ADAP1: variants seen among roughly 807,000 people sequenced by gnomAD.
ADAP1 encodes ArfGAP with dual PH domains 1.
A neutral mutation model predicts 54.9 loss-of-function variants in ADAP1; 31 were observed. The ratio of observed to expected loss-of-function variants is 0.56; its 90% CI spans 0.42 to 0.76. The LOEUF is 0.76. ADAP1 is among the 30% of genes least tolerant of loss of function. The pLI, the probability that ADAP1 is intolerant of heterozygous loss-of-function variation, is 0.00. For missense variants in ADAP1, 535 were observed against 512.4 expected, an observed-to-expected ratio of 1.04 and a Z score of -0.42; for synonymous variants, 313 against 202.6, an observed-to-expected ratio of 1.55 and a Z score of -4.63.
rs1846396475 is a variant in ADAP1 at position 926,575 on chromosome 7, G to A, written c.283C>T (p.Arg95Trp). 3 of 1,539,430 alleles carry A rather than the reference G, an allele frequency of 1.9e-6. No homozygotes were observed. The highest frequency in any genetic ancestry group is 1.2e-5 in the South Asian group (1 of 83,306). Reference sequence around the variant, plus strand: ...CACTGGCAGTCGGAGGGCGTGGGCCGGTAGTAGAAGGAGGGTACTTTGGAC... The same window carrying A: ...CACTGGCAGTCGGAGGGCGTGGGCCAGTAGTAGAAGGAGGGTACTTTGGAC... ...FESKVPSFYY[R>W]PTPSDCQLLR... is the part of the protein sequence containing the mutation. The change falls in exon 3 of 11, where the codon CGG (arginine) becomes TGG (tryptophan). Residue 95 changes from arginine to tryptophan, a missense_variant. Transcript: ENST00000265846. The surrounding 1 kb of genome is among the most constrained non-coding windows in gnomAD (Gnocchi z 4.6).
chr7:954,306 C>T (rs1847336129), intron 1 of ADAP1, 90 bp downstream of exon 1: 2 of 988,084 alleles, frequency 2.0e-6, no homozygotes, highest in Non-Finnish European at 1.2e-6. Context: ...CGCTCCCCCG[C>T]CCGGTCCCCG....
chr7:934,488 C>T (rs934010546), intron 2 of ADAP1, among the ~76,000 whole-genome samples: 6 of 152,090 alleles, frequency 3.9e-5, no homozygotes, highest in Non-Finnish European at 8.8e-5. Flanking sequence ...AGCCCCCAGA[C>T]CACCACTCTC....
At chr7:955,232 G>C, upstream of ADAP1, 2 of 1,482,498 alleles carry the variant, frequency 1.3e-6, no homozygotes, top group South Asian at 1.2e-5. Flanking sequence ...CAGGCTGAGG[G>C]GCCCCGCCGG....
chr7:937,567 T>G (rs1173731553), intron 1 of ADAP1, among the ~76,000 whole-genome samples: 1 of 69,202 alleles, frequency 1.4e-5, no homozygotes, highest in Non-Finnish European at 2.6e-5. Flanking sequence ...CCTCTGGGAT[T>G]TGGGGGTCAC....
intron 2 of ADAP1, among the ~76,000 whole-genome samples, chr7:933,501 AGTGGTGCTGGAGAGCCGGGGGCCG>A (rs1562932250): frequency 2.9e-5 from 2 of 69,198 alleles, no homozygotes; most frequent in Non-Finnish European, 7.1e-5. Flanking sequence ...GGCCGGGGTC[AGTGGTGCTGGAGAGCCGGGGGCCG>A]GGGGCCGGGG....
intron 1 of ADAP1, 54 bp from the exon 2 acceptor site, chr7:935,559 A>G: frequency 6.5e-7 from 1 of 1,544,052 alleles, no homozygotes; most frequent in Admixed American, 2.0e-5. Flanking sequence ...CCCCGGAGGG[A>G]GGGTGGACGG....
At chr7:901,976 C>G (rs550418717) in intron 6 of ADAP1, among the ~76,000 whole-genome samples, 2 of 152,064 alleles carry the variant, frequency 1.3e-5, no homozygotes, top group Non-Finnish European at 2.9e-5. Flanking sequence ...TCTGGGGCTC[C>G]GGGCAGACGG....
chr7:921,757 C>T (rs928265036), intron 3 of ADAP1, among the ~76,000 whole-genome samples: 13 of 152,354 alleles, frequency 8.5e-5, no homozygotes, highest in Admixed American at 7.8e-4. Context: ...CGTCCCATGA[C>T]CCCAGGGTCA....
chr7:905,477 G>T, intron 4 of ADAP1: 1 of 53,904 alleles, frequency 1.9e-5, no homozygotes, highest in Non-Finnish European at 3.3e-5. Context: ...AGGAGAAAGG[G>T]AAAGGAGAAA....
At chr7:952,230 C>A (rs529863157) in intron 1 of ADAP1, among the ~76,000 whole-genome samples, 8 of 152,154 alleles carry the variant, frequency 5.3e-5, no homozygotes, top group Non-Finnish European at 1.0e-4. Flanking sequence ...CTGTGGGGGC[C>A]GCAGAGACCC....
intron 5 of ADAP1, 65 bp downstream of exon 5, chr7:904,995 C>A (rs1269095211): frequency 4.2e-6 from 6 of 1,416,224 alleles, no homozygotes; most frequent in South Asian, 1.1e-5. Flanking sequence ...ACCACAGGCC[C>A]CAGTGTGGGA....
intron 4 of ADAP1, among the ~76,000 whole-genome samples, chr7:911,400 G>A (rs1006122094): frequency 1.3e-5 from 2 of 152,310 alleles, no homozygotes; most frequent in East Asian, 1.9e-4. Context: ...CAGGCTGCAG[G>A]AGGGGCCACC....
chr7:906,807 G>C (rs1037977442), intron 4 of ADAP1, among the ~76,000 whole-genome samples: 1 of 90,714 alleles, frequency 1.1e-5, no homozygotes, highest in African/African-American at 7.2e-5. Flanking sequence ...AGGGGACATG[G>C]GGGGACATGG....
chr7:908,772 C>T (rs947847243), intron 4 of ADAP1, among the ~76,000 whole-genome samples: 2 of 152,248 alleles, frequency 1.3e-5, no homozygotes, highest in Non-Finnish European at 2.9e-5. Context: ...CGCTTCCCGG[C>T]CTCTGCCGCT....
In ADAP1 at chr7:943,712, A is replaced by T. The variant is rs1159750291; in HGVS notation, c.83-8207T>A. Among the ~76,000 whole-genome samples, 7 of 6,578 alleles carry T rather than the reference A, an allele frequency of 1.1e-3. No individual in the cohort carries two copies. The East Asian group carries it at 0.029, about 27-fold the overall frequency. The allele number at this position is 6,578 out of a possible 152,430, so 4.3% of individuals were successfully genotyped here. On this transcript the variant is annotated intron_variant, in intron 1 of 10. Coordinates refer to ENST00000265846, the MANE Select transcript of ADAP1 (RefSeq NM_006869.4). ...AGGAAGGGAGCGAGGAGGAAGGGAG[A>T]GAGGAGGAAGGGAGAGAGGAGGAAG...
chr7:939,770 GC>G (rs1217766920), intron 1 of ADAP1, among the ~76,000 whole-genome samples: 1 of 151,674 alleles, frequency 6.6e-6, no homozygotes, highest in East Asian at 2.0e-4. Flanking sequence ...GATGGAGATT[GC>G]AGTGAGCCGA....
intron 2 of ADAP1, among the ~76,000 whole-genome samples, chr7:928,210 A>C (rs1042335586): frequency 2.0e-5 from 3 of 151,790 alleles, no homozygotes; most frequent in Non-Finnish European, 4.4e-5. Context: ...GCAGAACAAG[A>C]CCATGTCTCC....
At chr7:954,865 T>A, upstream of ADAP1, among the ~76,000 whole-genome samples, 1 of 151,728 alleles carries the variant, frequency 6.6e-6, no homozygotes, top group East Asian at 1.9e-4. Context: ...GCGTCCCACC[T>A]GCCTGGGCGC....
Position 954,434 on chromosome 7 carries a change from CG to C in ADAP1, c.43del (p.Arg15GlyfsTer28). 8.8e-7 allele frequency: 1 copy of C among 1,139,878 alleles called. No individual in the cohort carries two copies. The highest frequency in any genetic ancestry group is 1.1e-6 in the Non-Finnish European group (1 of 917,290). 70.6% of individuals were successfully genotyped at this position (1,139,878 alleles called of 1,614,324 possible). A position where few individuals can be genotyped will look rare whatever the true frequency, so the allele number is the denominator to read the frequency against. ...RRRAVLELLQ[R>X]PGNARCADCG... ...GTCCGCGCAGCGCGCGTTCCCCGGC[CG>C]CTGCAGCAGCTCCAGGACCGCCCTG... On this transcript the variant is annotated frameshift_variant, in exon 1 of 11. Coordinates refer to ENST00000265846, the MANE Select transcript of ADAP1 (RefSeq NM_006869.4). LOFTEE classifies it high-confidence loss of function.
Sources: gnomAD v4.1 joint callset for allele counts (sites outside exome capture counted in the v4.1 genomes callset) on GRCh38, gnomAD v4.1.1 for gene constraint, Gnocchi (gnomAD v3.1) non-coding constraint, MANE v1.5 for transcripts, NCBI Gene and HGNC (gene_info 2026-07-23, HGNC 2026-07-21) for gene names.